The following GATAD2A variants were observed in gnomAD, a reference collection of about 807,000 sequenced individuals.
The protein encoded by GATAD2A is transcriptional repressor p66-alpha.
GATAD2A carries 12 observed loss-of-function variants against 68.5 expected under a neutral mutation model. The observed-to-expected ratio is 0.18, with a 90% CI of 0.11 to 0.28. GATAD2A has a LOEUF of 0.28. GATAD2A is among the 10% of genes least tolerant of loss of function. The pLI, the probability that GATAD2A is intolerant of heterozygous loss-of-function variation, is 1.00. For synonymous variants in GATAD2A, 410 were observed against 375.3 expected (o/e 1.09, Z -1.07); for missense variants, 755 against 868.5 (o/e 0.87, Z 1.64).
chr19:19,436,879 A>G (rs934175495), intron 1 of GATAD2A, among the ~76,000 whole-genome samples: 3 of 152,216 alleles, frequency 2.0e-5, no homozygotes, highest in Non-Finnish European at 4.4e-5. Context: ...AGATGGGGAC[A>G]CACATGGGCC....
chr19:19,442,755 C>T (rs2055243567), intron 1 of GATAD2A, among the ~76,000 whole-genome samples: 1 of 145,300 alleles, frequency 6.9e-6, no homozygotes, highest in African/African-American at 2.6e-5. Context: ...AGCAATGTAG[C>T]AGGACCCCCC....
rs2050190661 is a variant in GATAD2A, at chr19:19,406,039, TGGC to T, written c.-7+23_-7+25del. 1 of 151,098 alleles carries T rather than the reference TGGC, an allele frequency of 6.6e-6. No homozygotes were observed. Among genetic ancestry groups the T allele is most frequent in the Non-Finnish European group, 1.5e-5 (1 of 67,784 alleles). 9.4% of individuals were successfully genotyped at this position (151,098 alleles called of 1,614,324 possible). ...GGCCCGGTAAGTTCTGGACCAAACT[TGGC>T]GGGGGGCGGGGGCTGGGGACGCACG... is the stretch of plus-strand genomic sequence containing the variant. On this transcript the variant is annotated intron_variant, in intron 1 of 11. Coordinates refer to ENST00000683918, the MANE Select transcript of GATAD2A (RefSeq NM_001384528.1).
intron 7 of GATAD2A, 144 bp from the exon 8 acceptor site, chr19:19,498,299 A>G (rs1042840184): frequency 5.7e-6 from 4 of 702,468 alleles, no homozygotes; most frequent in East Asian, 2.7e-5. Context: ...GCCTGTTATC[A>G]TGGCTGGGTT....
At chr19:19,398,799 G>A (rs1228419546) in intron 1 of GATAD2A, among the ~76,000 whole-genome samples, 1 of 151,536 alleles carries the variant, frequency 6.6e-6, no homozygotes, top group East Asian at 2.0e-4. Flanking sequence ...GGTGGCTCAC[G>A]CCTGTAATCC....
At chr19:19,500,197 G>A (rs773034312) in intron 8 of GATAD2A, among the ~76,000 whole-genome samples, 1 of 152,156 alleles carries the variant, frequency 6.6e-6, no homozygotes, top group African/African-American at 2.4e-5. Context: ...CCCCAGCCTC[G>A]CACCATGTCT....
intron 1 of GATAD2A, among the ~76,000 whole-genome samples, chr19:19,432,062 A>G (rs898293511): frequency 2.6e-5 from 4 of 152,104 alleles, no homozygotes; most frequent in Non-Finnish European, 5.9e-5. Flanking sequence ...CACAACCTCC[A>G]TCTCCCGGGT....
rs1451316911 is a variant in GATAD2A at position 19,505,872 on chromosome 19, C to T, written c.*398C>T. 13 of 400,622 alleles carry T rather than the reference C, an allele frequency of 3.2e-5. No homozygotes were observed. The highest frequency in any genetic ancestry group is 1.3e-4 in the Admixed American group (3 of 22,724). 24.8% of individuals were successfully genotyped at this position (400,622 alleles called of 1,614,324 possible). A position where few individuals can be genotyped will look rare whatever the true frequency, so the allele number is the denominator to read the frequency against. ...GATGCGCATGGGCAAGGCCAGCGCC[C>T]GGGGCTTCTGAACCGAGCGGGGTGT... On this transcript the variant is annotated 3_prime_UTR_variant, in exon 12 of 12. Transcript: ENST00000683918.
chr19:19,417,739 G>T (rs931903644), intron 1 of GATAD2A, among the ~76,000 whole-genome samples: 1 of 152,200 alleles, frequency 6.6e-6, no homozygotes, highest in Admixed American at 6.5e-5. Flanking sequence ...TAAAAGGCAG[G>T]CATGAGCTAA....
chr19:19,480,939 A>C (rs760743003), intron 2 of GATAD2A, among the ~76,000 whole-genome samples: 1 of 152,152 alleles, frequency 6.6e-6, no homozygotes, highest in African/African-American at 2.4e-5. Flanking sequence ...TCATTGAGAA[A>C]GTTTGTGGTC....
At chr19:19,498,405 C>T (rs1352481713) in intron 7 of GATAD2A, 38 bp from the exon 8 acceptor site, 19 of 1,574,306 alleles carry the variant, frequency 1.2e-5, no homozygotes, top group African/African-American at 5.4e-5. Flanking sequence ...TCTGGGCAGG[C>T]GCACGGAGCG....
At chr19:19,415,396 C>A (rs1348729910) in intron 1 of GATAD2A, among the ~76,000 whole-genome samples, 2 of 151,538 alleles carry the variant, frequency 1.3e-5, no homozygotes, top group East Asian at 3.9e-4. Flanking sequence ...TTCAGGTGAT[C>A]TGCCCGCTTT....
chr19:19,418,316 G>T (rs564360895), intron 1 of GATAD2A, among the ~76,000 whole-genome samples: 2 of 152,310 alleles, frequency 1.3e-5, no homozygotes, highest in South Asian at 4.1e-4. Context: ...ATCCGTCCTC[G>T]TGTGTCCCCC....
chr19:19,497,122 A>G (rs2060205630), intron 7 of GATAD2A, among the ~76,000 whole-genome samples: 1 of 152,060 alleles, frequency 6.6e-6, no homozygotes, highest in Non-Finnish European at 1.5e-5. Context: ...TTATTATGAG[A>G]CAAGAGTCTC....
intron 1 of GATAD2A, among the ~76,000 whole-genome samples, chr19:19,406,784 G>C (rs937047278): frequency 2.0e-5 from 3 of 152,158 alleles, no homozygotes; most frequent in Non-Finnish European, 4.4e-5. Flanking sequence ...TATGGGCAGG[G>C]CCCAGGCTGA....
upstream of GATAD2A, among the ~76,000 whole-genome samples, chr19:19,401,488 C>T (rs1410465614): frequency 2.0e-5 from 3 of 152,060 alleles, no homozygotes; most frequent in African/African-American, 7.2e-5. Context: ...GCTGGGATTA[C>T]AGGTGCGAGC....
intron 1 of GATAD2A, chr19:19,441,837 TA>T (rs2055131537): frequency 6.5e-6 from 1 of 153,134 alleles, no homozygotes; most frequent in Admixed American, 6.5e-5. Context: ...GTGCTGGGAT[TA>T]CAGGCGTGAG....
chr19:19,503,521 A>G (rs1355031769), intron 11 of GATAD2A, among the ~76,000 whole-genome samples: 2 of 152,252 alleles, frequency 1.3e-5, no homozygotes, highest in East Asian at 3.8e-4. Flanking sequence ...CAGCAGGTTT[A>G]AGACAGCTGA....
chr19:19,451,742 G>C (rs1324908397), intron 1 of GATAD2A, among the ~76,000 whole-genome samples: 1 of 152,222 alleles, frequency 6.6e-6, no homozygotes, highest in African/African-American at 2.4e-5. Context: ...ATACTTTGTG[G>C]TTTTCCATAT....
chr19:19,446,296 C>G (rs1327315058), intron 1 of GATAD2A, among the ~76,000 whole-genome samples: 6 of 152,132 alleles, frequency 3.9e-5, no homozygotes, highest in Non-Finnish European at 8.8e-5. Context: ...GAGACAGAGT[C>G]TTTTTCACAT....
Sources: allele counts gnomAD v4.1 joint callset (sites outside exome capture counted in the v4.1 genomes callset), GRCh38; gene constraint gnomAD v4.1.1; transcripts MANE v1.5; gene names NCBI Gene and HGNC (gene_info 2026-07-23, HGNC 2026-07-21).